The following ZNF28 variants were observed in gnomAD, a reference collection of about 807,000 sequenced individuals.
The protein encoded by ZNF28 is zinc finger protein 28.
Under a neutral mutation model 7.2 loss-of-function variants are expected in ZNF28, and 5 were observed. That is an observed-to-expected ratio of 0.70 (90% CI 0.36 to 1.46). The LOEUF (loss-of-function observed/expected upper bound fraction) is 1.46. ZNF28 is among the 40% of genes most tolerant of loss of function. The pLI, the probability that ZNF28 is intolerant of heterozygous loss-of-function variation, is 0.03. For missense variants in ZNF28, 879 were observed against 866.6 expected, an observed-to-expected ratio of 1.01 and a Z score of -0.18; for synonymous variants, 288 against 292.4, an observed-to-expected ratio of 0.99 and a Z score of 0.15.
At chr19:52,806,144 A>G (rs2062934301) in intron 3 of ZNF28, 1 of 152,100 alleles carries the variant, frequency 6.6e-6, no homozygotes, top group Admixed American at 6.6e-5. Context: ...TCTGACAAAT[A>G]AAAAAATGTT....
intron 2 of ZNF28, among the ~76,000 whole-genome samples, chr19:52,816,503 A>G (rs1182377893): frequency 6.9e-6 from 1 of 145,210 alleles, no homozygotes; most frequent in Non-Finnish European, 1.5e-5. Context: ...TCTCTACTAA[A>G]AACACAAAAA....
At chr19:52,814,409 G>C (rs2063096302) in intron 2 of ZNF28, 1 of 146,042 alleles carries the variant, frequency 6.8e-6, no homozygotes, top group African/African-American at 2.7e-5. Flanking sequence ...TGGCCAAAAT[G>C]GTGAAACACC....
chr19:52,806,839 C>A (rs1169361125), intron 3 of ZNF28, among the ~76,000 whole-genome samples: 1 of 152,030 alleles, frequency 6.6e-6, no homozygotes, highest in Non-Finnish European at 1.5e-5. Context: ...GAGGCAGAGG[C>A]TGCAGTTAGC....
chr19:52,803,405 G>A (rs2062898216), intron 3 of ZNF28, among the ~76,000 whole-genome samples: 1 of 152,176 alleles, frequency 6.6e-6, no homozygotes, highest in Admixed American at 6.5e-5. Context: ...ATCTAGGGGA[G>A]TGTCAGTTAT....
rs7253090 is a variant in ZNF28 at position 52,797,992 on chromosome 19, T to C, written c.*1696A>G. 0.9 allele frequency: 136,333 copies of C among 152,292 alleles called. 61,294 individuals carry two copies. The highest frequency in any genetic ancestry group is 0.94 in the African/African-American group (38,921 of 41,532). The allele number at this position is 152,292 out of a possible 1,614,324, so 9.4% of individuals were successfully genotyped here. A position where few individuals can be genotyped will look rare whatever the true frequency, so the allele number is the denominator to read the frequency against. The stretch of plus-strand genomic sequence containing the variant: ...AAAAAATTATCCAGGTGTGGTGGCA[T>C]GCACCTGTAGTCCCAGCTAGTCAGG... On this transcript the variant is annotated 3_prime_UTR_variant, in exon 4 of 4. Coordinates refer to ENST00000457749, the MANE Select transcript of ZNF28 (RefSeq NM_006969.5).
intron 2 of ZNF28, chr19:52,810,279 A>G: frequency 1.4e-6 from 2 of 1,457,592 alleles, no homozygotes; most frequent in Non-Finnish European, 1.9e-6. Flanking sequence ...GATCACGTCC[A>G]TTGAGGAGAA....
rs2062839810 is a variant in ZNF28 at position 52,799,916 on chromosome 19, G to C, written c.1929C>G (p.Thr643=). 1 of 1,613,462 alleles carries C rather than the reference G, an allele frequency of 6.2e-7. No homozygotes were observed. The highest frequency in any genetic ancestry group is 8.5e-7 in the Non-Finnish European group (1 of 1,179,758). Reference sequence around the variant, plus strand: ...ATACGAGGGATGACATCTGACTGAAGGTCTTGCCACACTCATTACACTTGT... The same window carrying C: ...ATACGAGGGATGACATCTGACTGAACGTCTTGCCACACTCATTACACTTGT... ...KPYKCNECGK[T]FSQMSSLVYH... is the part of the protein sequence containing the mutation. The change falls in exon 4 of 4, where the codon ACC becomes ACG. Residue 643 remains threonine, a synonymous_variant. Transcript: ENST00000457749.
chr19:52,806,859 A>T (rs1196506021), intron 3 of ZNF28, among the ~76,000 whole-genome samples: 1 of 152,162 alleles, frequency 6.6e-6, no homozygotes, highest in Non-Finnish European at 1.5e-5. Flanking sequence ...CCAAGATCGT[A>T]CCAGTGCACT....
chr19:52,802,197 A>C (rs2062880842), intron 3 of ZNF28, among the ~76,000 whole-genome samples: 1 of 152,220 alleles, frequency 6.6e-6, no homozygotes. Context: ...TAGCACTGAC[A>C]AGATAACAAA....
chr19:52,800,808 G>GT lies in ZNF28; in HGVS notation c.1036dup (p.Thr346AsnfsTer13), dbSNP rs1188780929. On this transcript the variant is annotated frameshift_variant, in exon 4 of 4. Transcript: ENST00000457749. LOFTEE classifies it low-confidence loss of function (END_TRUNC). ...AGGTTTCTCTCCAGTGTGAATTATA[G>GT]TATGTTTTGCTAGGTATGAATTACA... 6.2e-7 allele frequency: 1 copy of GT among 1,613,162 alleles called. No individual in the cohort carries two copies. Among genetic ancestry groups the GT allele is most frequent in the African/African-American group, 1.3e-5 (1 of 74,644 alleles).
chr19:52,798,868 A>C lies in ZNF28; in HGVS notation c.*820T>G, dbSNP rs2147609940. 3.7e-6 allele frequency: 5 copies of C among 1,355,872 alleles called. No individual in the cohort carries two copies. In the South Asian group the frequency reaches 6.1e-5, roughly 16 times the overall value. The allele number at this position is 1,355,872 out of a possible 1,614,324, so 84.0% of individuals were successfully genotyped here. The stretch of plus-strand genomic sequence containing the variant: ...TATATTAGTCAAGTTTCCCTATACT[A>C]TGGATTGCTTGATGGTGAATAAGTG... On this transcript the variant is annotated 3_prime_UTR_variant, in exon 4 of 4. Transcript: ENST00000457749.
chr19:52,811,573 G>A (rs1317910758), intron 2 of ZNF28, among the ~76,000 whole-genome samples: 1 of 147,782 alleles, frequency 6.8e-6, no homozygotes, highest in African/African-American at 2.6e-5. Flanking sequence ...GAGCGCCTCT[G>A]CTGGGCCGCA....
chr19:52,810,326 T>C, intron 2 of ZNF28: 16 of 1,599,290 alleles, frequency 1.0e-5, no homozygotes, highest in Non-Finnish European at 1.4e-5. Flanking sequence ...ATGCTGGCAA[T>C]GTGGACTGCG....
chr19:52,812,137 G>T (rs1245507165), intron 2 of ZNF28, among the ~76,000 whole-genome samples: 10 of 122,610 alleles, frequency 8.2e-5, no homozygotes, highest in Non-Finnish European at 1.6e-4. Flanking sequence ...GTCCGGGAGG[G>T]TGGTGGGGGG....
At chr19:52,815,224 T>C (rs1167395745) in intron 2 of ZNF28, among the ~76,000 whole-genome samples, 1 of 144,324 alleles carries the variant, frequency 6.9e-6, no homozygotes, top group Non-Finnish European at 1.5e-5. Context: ...GCAGAAAAAA[T>C]AACTATTGGG....
rs2062828268 is a variant in ZNF28 at position 52,798,920 on chromosome 19, C to T, written c.*768G>A. The stretch of plus-strand genomic sequence containing the variant: ...TGACTGCCCACTAAAGGCTTTGCCA[C>T]ACTCATTGCACTTGTAAGGTTTCTC... On this transcript the variant is annotated 3_prime_UTR_variant, in exon 4 of 4. Transcript: ENST00000457749. 4 of 1,433,314 alleles carry T rather than the reference C, an allele frequency of 2.8e-6. No individual in the cohort carries two copies. Among genetic ancestry groups the T allele is most frequent in the Non-Finnish European group, 3.8e-6 (4 of 1,060,774 alleles). The allele number at this position is 1,433,314 out of a possible 1,614,324, so 88.8% of individuals were successfully genotyped here. A position where few individuals can be genotyped will look rare whatever the true frequency, so the allele number is the denominator to read the frequency against.
intron 1 of ZNF28, among the ~76,000 whole-genome samples, chr19:52,820,588 C>T (rs1415276087): frequency 6.6e-6 from 1 of 151,960 alleles, no homozygotes; most frequent in Non-Finnish European, 1.5e-5. Flanking sequence ...CCCCGCTGTG[C>T]TTCTCCCTCT....
rs1239942739 is a variant in ZNF28 at position 52,810,410 on chromosome 19, C to T, written c.16-2277G>A. 1.9e-6 allele frequency: 3 copies of T among 1,604,188 alleles called. No homozygotes were observed. The Admixed American group carries it at 5.0e-5, about 27-fold the overall frequency. On this transcript the variant is annotated intron_variant, in intron 2 of 3. Transcript: ENST00000457749. ...TCAACCACGTTACCATACTCTGTGA[C>T]AAATTTAGTGGCCATCCCAAAGGGT...
At chr19:52,811,862 C>T (rs1459052979) in intron 2 of ZNF28, among the ~76,000 whole-genome samples, 1 of 142,068 alleles carries the variant, frequency 7.0e-6, no homozygotes, top group African/African-American at 2.7e-5. Flanking sequence ...CTCTGCCCGG[C>T]CAGCCGCCCC....
Sources: gnomAD v4.1 joint callset for allele counts (sites outside exome capture counted in the v4.1 genomes callset) on GRCh38, gnomAD v4.1.1 for gene constraint, MANE v1.5 for transcripts, NCBI Gene and HGNC (gene_info 2026-07-23, HGNC 2026-07-21) for gene names.